BCAR3: variants seen among roughly 807,000 people sequenced by gnomAD.
The protein encoded by BCAR3 is BCAR3 adaptor protein, NSP family member.
Under a neutral mutation model 80.1 loss-of-function variants are expected in BCAR3, and 37 were observed. That is an observed-to-expected ratio of 0.46 (90% confidence interval 0.36 to 0.61). The LOEUF is 0.61. BCAR3 is among the 20% of genes least tolerant of loss of function. The probability of loss-of-function intolerance (pLI) is 0.00; values close to 1 mark genes in which losing one functional copy is unlikely to be tolerated. For missense variants in BCAR3, 978 were observed against 1,068.2 expected, an observed-to-expected ratio of 0.92 and a Z score of 1.18; for synonymous variants, 389 against 418.9, an observed-to-expected ratio of 0.93 and a Z score of 0.87.
At chr1:93,575,978 G>A in intron 8 of BCAR3, 36 bp downstream of exon 8, 1 of 1,570,758 alleles carries the variant, frequency 6.4e-7, no homozygotes, top group Non-Finnish European at 8.8e-7. Context: ...GGAAGGAGCT[G>A]GGAGGGTCGG....
At chr1:93,598,410 G>A (rs940046423) in intron 3 of BCAR3, among the ~76,000 whole-genome samples, 3 of 152,172 alleles carry the variant, frequency 2.0e-5, no homozygotes, top group Non-Finnish European at 4.4e-5. Flanking sequence ...AGGCTTCCTA[G>A]TTCCCACAGG....
At chr1:93,685,240 G>C (rs769565046), upstream of BCAR3, among the ~76,000 whole-genome samples, 4 of 152,190 alleles carry the variant, frequency 2.6e-5, no homozygotes, top group Non-Finnish European at 5.9e-5. Context: ...AAGGTATCCT[G>C]TGAAAAGTTC....
chr1:93,658,995 C>T (rs1210285880), intron 2 of BCAR3, among the ~76,000 whole-genome samples: 1 of 152,198 alleles, frequency 6.6e-6, no homozygotes, highest in Non-Finnish European at 1.5e-5. Context: ...GAAAGGTGAA[C>T]TACACAACTG....
intron 3 of BCAR3, among the ~76,000 whole-genome samples, chr1:93,693,189 G>A (rs1193206737): frequency 6.6e-6 from 1 of 152,216 alleles, no homozygotes; most frequent in Non-Finnish European, 1.5e-5. Context: ...TCCTGCAAGG[G>A]AGCAAGCCAG....
intron 3 of BCAR3, among the ~76,000 whole-genome samples, chr1:93,691,272 T>C (rs17110298): frequency 0.041 from 6,249 of 152,260 alleles, 207 homozygotes; most frequent in African/African-American, 0.086. Context: ...ATAGAAATGA[T>C]AGTGGTAATG....
At position 93,562,789 on chromosome 1, in the gene BCAR3, A is replaced by AT. The variant is rs1245770848; in HGVS notation, c.2300-371_2300-370insA. ...ATCTCAAAAAAAAAAAAAAAAAAAA[A>AT]AATAGACTGAAAGCTTGCTTAAAGT... On this transcript the variant is annotated intron_variant, in intron 11 of 11. Coordinates refer to ENST00000260502, the MANE Select transcript of BCAR3 (RefSeq NM_003567.4). Among the ~76,000 whole-genome samples the AT allele has an allele frequency of 2.0e-5, 3 of 151,108 alleles. No homozygotes were observed. The South Asian group carries it at 6.3e-4, about 32-fold the overall frequency.
intron 2 of BCAR3, among the ~76,000 whole-genome samples, chr1:93,722,432 CG>C (rs1242199157): frequency 1.3e-5 from 2 of 152,194 alleles, no homozygotes; most frequent in Admixed American, 1.3e-4. Context: ...TGACCCGCCA[CG>C]GTCCATGGGG....
intron 3 of BCAR3, among the ~76,000 whole-genome samples, chr1:93,635,516 T>C (rs1675754488): frequency 6.6e-6 from 1 of 152,212 alleles, no homozygotes; most frequent in African/African-American, 2.4e-5. Flanking sequence ...TACCTCAGCA[T>C]TTTTAATAAC....
chr1:93,568,849 G>GTC (rs1033799372), intron 9 of BCAR3, among the ~76,000 whole-genome samples: 32 of 152,094 alleles, frequency 2.1e-4, no homozygotes, highest in African/African-American at 7.0e-4. Flanking sequence ...TTGAGATGGG[G>GTC]TCTCACTCTG....
chr1:93,695,511 A>G (rs1649356932), intron 3 of BCAR3, among the ~76,000 whole-genome samples: 1 of 151,790 alleles, frequency 6.6e-6, no homozygotes, highest in Non-Finnish European at 1.5e-5. Flanking sequence ...CCACTCTATC[A>G]TCACCCTCTT....
chr1:93,661,315 A>G (rs1320009756), intron 2 of BCAR3, among the ~76,000 whole-genome samples: 1 of 152,128 alleles, frequency 6.6e-6, no homozygotes, highest in African/African-American at 2.4e-5. Context: ...CTGGGATTAC[A>G]GGTGTAAGCC....
Position 93,590,641 on chromosome 1 carries a change from C to T in BCAR3, c.487-1222G>A, listed in dbSNP as rs1467364884. Among the ~76,000 whole-genome samples the T allele has an allele frequency of 2.0e-5, 3 of 152,286 alleles. No homozygotes were observed. In the South Asian group the frequency reaches 6.2e-4, roughly 32 times the overall value. On this transcript the variant is annotated intron_variant, in intron 4 of 11. Transcript: ENST00000260502. ...ATTCCAACATTTGATCAACAGTATA[C>T]TTCTGTTAGGTCAAAATAGTAGGCT...
At chr1:93,847,189 T>A, upstream of BCAR3, 2 of 191,262 alleles carry the variant, frequency 1.0e-5, 1 homozygote, top group Non-Finnish European at 2.2e-5. Context: ...AACTCTGGGG[T>A]CCCGGCCGGG....
chr1:93,709,431 A>C (rs531283078), intron 2 of BCAR3, among the ~76,000 whole-genome samples: 2 of 152,326 alleles, frequency 1.3e-5, no homozygotes, highest in Non-Finnish European at 2.9e-5. Context: ...GCAAGCACTG[A>C]TGTTCTGACA....
intron 2 of BCAR3, among the ~76,000 whole-genome samples, chr1:93,665,846 G>T (rs909921071): frequency 2.6e-5 from 4 of 152,066 alleles, no homozygotes; most frequent in African/African-American, 9.7e-5. Context: ...CCTCTCCCAA[G>T]CTTCCCTATC....
intron 2 of BCAR3, among the ~76,000 whole-genome samples, chr1:93,713,714 C>T (rs1057323485): frequency 2.0e-5 from 3 of 150,478 alleles, no homozygotes; most frequent in Admixed American, 6.6e-5. Flanking sequence ...ACTGAAATGC[C>T]ATTTTTTTTT....
At position 93,757,783 on chromosome 1, in the gene BCAR3, C is replaced by A. The variant is rs531785903; in HGVS notation, c.-62-51641G>T. Among the ~76,000 whole-genome samples the A allele has an allele frequency of 3.3e-5, 5 of 152,342 alleles. No homozygotes were observed. In the South Asian group the frequency reaches 8.3e-4, roughly 25 times the overall value. ...TAGCCTGCAGAATGCACATGCTGGC[C>A]TCTGTGCTGGCAGCCTCTTGCCCAT... On this transcript the variant is annotated intron_variant, in intron 2 of 13. Transcript: ENST00000370244.
chr1:93,774,475 T>G (rs993499274), intron 2 of BCAR3, among the ~76,000 whole-genome samples: 1 of 138,270 alleles, frequency 7.2e-6, no homozygotes, highest in Non-Finnish European at 1.6e-5. Flanking sequence ...CAGAGCGAGA[T>G]TCTGTTTCAA....
chr1:93,847,679 C>T (rs1190489854), upstream of BCAR3: 1 of 152,538 alleles, frequency 6.6e-6, no homozygotes, highest in Admixed American at 6.5e-5. Flanking sequence ...TCCCTCCCCC[C>T]TACAATTTAT....
Sources: gnomAD v4.1 joint callset for allele counts (sites outside exome capture counted in the v4.1 genomes callset) on GRCh38, gnomAD v4.1.1 for gene constraint, MANE v1.5 for transcripts, NCBI Gene and HGNC (gene_info 2026-07-23, HGNC 2026-07-21) for gene names.